PTPRG: variants seen among roughly 807,000 people sequenced by gnomAD.
The protein encoded by PTPRG is protein tyrosine phosphatase receptor type G, also known as receptor-type tyrosine-protein phosphatase gamma.
Under a neutral mutation model 165.3 loss-of-function variants are expected in PTPRG, and 102 were observed. The ratio of observed to expected loss-of-function variants is 0.62; its 90% CI spans 0.53 to 0.73. PTPRG has a LOEUF of 0.73. Ranked by LOEUF, PTPRG falls within the 30% of genes least tolerant of loss-of-function variation. The probability of loss-of-function intolerance (pLI) is 0.00; values close to 1 mark genes in which losing one functional copy is unlikely to be tolerated. For missense variants in PTPRG, 1,866 were observed against 1,861.4 expected (o/e 1.00, Z -0.05); for synonymous variants, 675 against 669.5 (o/e 1.01, Z -0.13).
At chr3:61,673,741 C>T (rs892047675) in intron 1 of PTPRG, among the ~76,000 whole-genome samples, 4 of 152,264 alleles carry the variant, frequency 2.6e-5, no homozygotes, top group Admixed American at 6.5e-5. Context: ...TATCATCTAA[C>T]CCCCTTTCTG....
Position 62,219,369 on chromosome 3 carries a change from T to G in PTPRG, c.2288+386T>G, listed in dbSNP as rs1477375458. Among the ~76,000 whole-genome samples the G allele has an allele frequency of 6.6e-6, 1 of 152,280 alleles. No individual in the cohort carries two copies. Among genetic ancestry groups the G allele is most frequent in the Admixed American group, 6.5e-5 (1 of 15,288 alleles). Reference sequence around the variant, plus strand: ...AGTTTTTCTGAGATGATGCTTACTTTGTTGTAGTCACATAATAACTCCTCT... The same window carrying G: ...AGTTTTTCTGAGATGATGCTTACTTGGTTGTAGTCACATAATAACTCCTCT... On this transcript the variant is annotated intron_variant, in intron 13 of 29. Transcript: ENST00000474889. This position sits in a 1 kb window ranked among gnomAD's most constrained non-coding sequence, Gnocchi z 4.5.
intron 1 of PTPRG, 85 bp from the exon 2 acceptor site, chr3:61,748,793 G>A (rs2106914471): frequency 9.6e-7 from 1 of 1,046,674 alleles, no homozygotes; most frequent in East Asian, 2.5e-5. Flanking sequence ...ATTCTACGAA[G>A]TCACCCAATG....
chr3:61,845,036 A>G (rs1156801689), intron 2 of PTPRG, among the ~76,000 whole-genome samples: 1 of 152,224 alleles, frequency 6.6e-6, no homozygotes, highest in Non-Finnish European at 1.5e-5. Flanking sequence ...TTCAGTTCTT[A>G]CGTGGTTGTT....
chr3:61,674,373 G>A (rs937540742), intron 1 of PTPRG, among the ~76,000 whole-genome samples: 1 of 150,526 alleles, frequency 6.6e-6, no homozygotes, highest in African/African-American at 2.4e-5. Context: ...AGTGATCCCA[G>A]CTACTCAGGA....
chr3:62,082,542 C>T (rs570462240), intron 5 of PTPRG, among the ~76,000 whole-genome samples: 1 of 152,318 alleles, frequency 6.6e-6, no homozygotes, highest in East Asian at 1.9e-4. Flanking sequence ...CGAGATGTGT[C>T]TAGTGGCTAC....
intron 4 of PTPRG, among the ~76,000 whole-genome samples, chr3:62,045,865 T>C (rs1299826079): frequency 6.6e-6 from 1 of 152,248 alleles, no homozygotes; most frequent in Non-Finnish European, 1.5e-5. Flanking sequence ...AGACTAGTTA[T>C]CTTTGCATGG....
chr3:62,188,747 T>A (rs1050250190), intron 8 of PTPRG, among the ~76,000 whole-genome samples: 17 of 152,174 alleles, frequency 1.1e-4, no homozygotes, highest in Admixed American at 5.2e-4. Flanking sequence ...ACAGTGTTCA[T>A]TGCTATTTGG....
chr3:62,040,922 T>C (rs1319165342), intron 4 of PTPRG, among the ~76,000 whole-genome samples: 1 of 152,206 alleles, frequency 6.6e-6, no homozygotes, highest in Non-Finnish European at 1.5e-5. Context: ...ACTTAGGCTA[T>C]GCACTGGAGG....
At chr3:62,264,750 C>G (rs1300286812) in intron 17 of PTPRG, among the ~76,000 whole-genome samples, 1 of 152,124 alleles carries the variant, frequency 6.6e-6, no homozygotes, top group African/African-American at 2.4e-5. Flanking sequence ...CCGCTATGAG[C>G]ATTCATGTAC....
chr3:61,743,526 G>C (rs1419967006), intron 1 of PTPRG, among the ~76,000 whole-genome samples: 1 of 150,786 alleles, frequency 6.6e-6, no homozygotes, highest in Non-Finnish European at 1.5e-5. Flanking sequence ...TGTGTGTGTT[G>C]GTTAAAATGT....
chr3:61,852,859 C>T (rs575266254), intron 2 of PTPRG, among the ~76,000 whole-genome samples: 4 of 152,212 alleles, frequency 2.6e-5, no homozygotes, highest in African/African-American at 9.6e-5. Context: ...CTCAGTAACG[C>T]GTATGGACAT....
chr3:61,595,218 G>C (rs1030621496), intron 1 of PTPRG, among the ~76,000 whole-genome samples: 2 of 151,978 alleles, frequency 1.3e-5, no homozygotes, highest in African/African-American at 2.4e-5. Context: ...TCTGAATGTG[G>C]GAACTTAATT....
At chr3:61,792,708 CTTTCTTTCTTTCTTTCTT>C (rs1389425804) in intron 2 of PTPRG, among the ~76,000 whole-genome samples, 1 of 131,194 alleles carries the variant, frequency 7.6e-6, no homozygotes, top group East Asian at 2.2e-4. Context: ...TTCTTTCTTT[CTTTCTTTCTTTCTTTCTT>C]TCTTTCTTTC....
At chr3:62,184,348 G>A (rs537056655) in intron 8 of PTPRG, among the ~76,000 whole-genome samples, 2 of 152,172 alleles carry the variant, frequency 1.3e-5, no homozygotes, top group Non-Finnish European at 2.9e-5. Context: ...GGGCAGGGAT[G>A]GGGGAGGCAA....
At position 61,819,386 on chromosome 3, in the gene PTPRG, A is replaced by G. The variant is rs147555202; in HGVS notation, c.190+70404A>G. On this transcript the variant is annotated intron_variant, in intron 2 of 29. Coordinates refer to ENST00000474889, the MANE Select transcript of PTPRG (RefSeq NM_002841.4). ...ATTGCTAATTGTTCTTTCTCTTTAC[A>G]TCTACTAAGGATACCATGTAGTGTT... 1.2e-4 allele frequency among the ~76,000 whole-genome samples: 19 copies of G among 152,310 alleles called. No individual in the cohort carries two copies. The East Asian group carries it at 3.7e-3, about 29-fold the overall frequency.
intron 9 of PTPRG, among the ~76,000 whole-genome samples, chr3:62,194,589 G>C (rs545110576): frequency 6.6e-6 from 1 of 152,132 alleles, no homozygotes; most frequent in African/African-American, 2.4e-5. Context: ...AGGCTGAGGC[G>C]GGCAGATGAT....
At chr3:62,143,224 A>G (rs949734931) in intron 6 of PTPRG, among the ~76,000 whole-genome samples, 3 of 152,242 alleles carry the variant, frequency 2.0e-5, no homozygotes, top group Non-Finnish European at 4.4e-5. Context: ...CTTGTGGTCC[A>G]AAAGCTCGAA....
At position 62,144,927 on chromosome 3, in the gene PTPRG, A is replaced by T. The variant is rs539204092; in HGVS notation, c.683-12140A>T. On this transcript the variant is annotated intron_variant, in intron 6 of 29. Transcript: ENST00000474889. ...TCTCATTCAGCCTGCCTTGTTTGTCAATATTTTATCGTTTGAACAGGATTA... is the reference window on the plus strand; with the variant it reads ...TCTCATTCAGCCTGCCTTGTTTGTCTATATTTTATCGTTTGAACAGGATTA... Among the ~76,000 whole-genome samples the T allele has an allele frequency of 9.7e-4, 148 of 152,156 alleles. 1 individual carries two copies. Among genetic ancestry groups the T allele is most frequent in the African/African-American group, 3.2e-3 (134 of 41,500 alleles).
At chr3:62,036,319 C>G (rs780087723) in intron 4 of PTPRG, among the ~76,000 whole-genome samples, 2 of 152,088 alleles carry the variant, frequency 1.3e-5, no homozygotes. Flanking sequence ...AAAAAGAAAT[C>G]CATATTGAAG....
Sources: gnomAD v4.1 joint callset for allele counts (sites outside exome capture counted in the v4.1 genomes callset) on GRCh38, gnomAD v4.1.1 for gene constraint, Gnocchi (gnomAD v3.1) non-coding constraint, MANE v1.5 for transcripts, NCBI Gene and HGNC (gene_info 2026-07-23, HGNC 2026-07-21) for gene names.